VGLL4: variants seen among roughly 807,000 people sequenced by gnomAD.
The protein encoded by VGLL4 is transcription cofactor vestigial-like protein 4.
A neutral mutation model predicts 21.0 loss-of-function variants in VGLL4; 7 were observed. The observed-to-expected ratio is 0.33, with a 90% CI of 0.19 to 0.63. VGLL4 has a LOEUF of 0.63. VGLL4 is among the 20% of genes least tolerant of loss of function. VGLL4 has a pLI of 0.78. For synonymous variants in VGLL4, 222 were observed against 173.2 expected, an observed-to-expected ratio of 1.28 and a Z score of -2.21; for missense variants, 394 against 425.7, an observed-to-expected ratio of 0.93 and a Z score of 0.66.
At chr3:11,646,752 T>C (rs956096199), upstream of VGLL4, among the ~76,000 whole-genome samples, 1 of 152,134 alleles carries the variant, frequency 6.6e-6, no homozygotes, top group African/African-American at 2.4e-5. Context: ...GGCAACCATT[T>C]TCGTGGACAC....
At chr3:11,671,531 A>T in intron 2 of VGLL4, 1 of 594,544 alleles carries the variant, frequency 1.7e-6, no homozygotes. Context: ...TGCAGAGCCC[A>T]CCTGTATGAA....
At chr3:11,701,456 C>A (rs1400546658) in intron 2 of VGLL4, among the ~76,000 whole-genome samples, 2 of 152,134 alleles carry the variant, frequency 1.3e-5, no homozygotes, top group Non-Finnish European at 2.9e-5. Flanking sequence ...TCCTTTACAA[C>A]AATGTAAATG....
intron 1 of VGLL4, chr3:11,703,107 A>G: frequency 6.9e-7 from 1 of 1,456,062 alleles, no homozygotes; most frequent in African/African-American, 1.4e-5. Context: ...AGACTCTTAG[A>G]ATCCTAGTCA....
chr3:11,644,391 CT>C (rs1418241096), upstream of VGLL4, among the ~76,000 whole-genome samples: 8 of 152,224 alleles, frequency 5.3e-5, 1 homozygote, highest in South Asian at 1.7e-3. Flanking sequence ...TTACATATAG[CT>C]TCTTCCATAA....
At chr3:11,644,635 CAAGAG>C (rs1343285147), upstream of VGLL4, among the ~76,000 whole-genome samples, 1 of 151,992 alleles carries the variant, frequency 6.6e-6, no homozygotes, top group African/African-American at 2.4e-5. Flanking sequence ...CACTTGAGGT[CAAGAG>C]TTCAAGACCA....
In VGLL4 at chr3:11,652,083, G is replaced by A. The variant is rs899241688; in HGVS notation, c.65-50061C>T. Among the ~76,000 whole-genome samples, 4 of 152,056 alleles carry A rather than the reference G, an allele frequency of 2.6e-5. No individual in the cohort carries two copies. In the East Asian group the frequency reaches 7.7e-4, roughly 29 times the overall value. On this transcript the variant is annotated intron_variant, in intron 2 of 5. Coordinates refer to the VGLL4 transcript ENST00000273038. ...TGGACTTTTCAAAAACTTTAAATGG[G>A]TCTTCAGATCATATTTAAATTTTCA...
intron 2 of VGLL4, among the ~76,000 whole-genome samples, chr3:11,654,125 G>A (rs539188509): frequency 9.9e-4 from 150 of 152,018 alleles, no homozygotes; most frequent in Non-Finnish European, 1.4e-3. Context: ...TGGCAAAAGT[G>A]ACAATAATGC....
At chr3:11,579,147 C>T (rs557217929) in intron 2 of VGLL4, among the ~76,000 whole-genome samples, 2 of 149,822 alleles carry the variant, frequency 1.3e-5, no homozygotes, top group African/African-American at 2.5e-5. Flanking sequence ...TGCCTCTGAG[C>T]ATCCAGGTAG....
chr3:11,711,901 T>C (rs921653540), intron 1 of VGLL4, among the ~76,000 whole-genome samples: 1 of 152,044 alleles, frequency 6.6e-6, no homozygotes, highest in African/African-American at 2.4e-5. Flanking sequence ...TGAATGAGAA[T>C]CAGACCAAAT....
intron 2 of VGLL4, among the ~76,000 whole-genome samples, chr3:11,599,503 A>C (rs2074730927): frequency 9.0e-6 from 1 of 111,494 alleles, no homozygotes; most frequent in African/African-American, 3.6e-5. Context: ...TTTAGCCACC[A>C]AGAGAGCTAC....
chr3:11,599,453 T>C (rs2074729193), intron 2 of VGLL4, among the ~76,000 whole-genome samples: 1 of 148,400 alleles, frequency 6.7e-6, no homozygotes, highest in South Asian at 2.2e-4. Flanking sequence ...CTTAAAATTA[T>C]TTATAGTGTC....
At chr3:11,715,017 C>T (rs1488416056) in intron 1 of VGLL4, among the ~76,000 whole-genome samples, 1 of 151,950 alleles carries the variant, frequency 6.6e-6, no homozygotes, top group Non-Finnish European at 1.5e-5. Flanking sequence ...CGCCTGTAGT[C>T]CCAGCTACTC....
intron 2 of VGLL4, among the ~76,000 whole-genome samples, chr3:11,655,226 G>A (rs953805404): frequency 6.6e-6 from 1 of 152,204 alleles, no homozygotes; most frequent in African/African-American, 2.4e-5. Context: ...TAGCAGTATC[G>A]TTTGAAAATA....
At chr3:11,678,425 T>C (rs962290670) in intron 2 of VGLL4, among the ~76,000 whole-genome samples, 3 of 152,236 alleles carry the variant, frequency 2.0e-5, no homozygotes, top group African/African-American at 7.2e-5. Context: ...CTTAGTGTCA[T>C]GGTATTTTCC....
intron 2 of VGLL4, among the ~76,000 whole-genome samples, chr3:11,575,425 T>A (rs1182261008): frequency 6.6e-6 from 1 of 152,168 alleles, no homozygotes; most frequent in Admixed American, 6.5e-5. Context: ...CTCCAGCAGC[T>A]CAGCTGGAAT....
intron 2 of VGLL4, among the ~76,000 whole-genome samples, chr3:11,688,034 C>G (rs554569094): frequency 2.0e-5 from 3 of 152,188 alleles, no homozygotes; most frequent in African/African-American, 7.2e-5. Flanking sequence ...TTTTAGACTT[C>G]TGTCATAAAT....
At chr3:11,590,513 G>A (rs2074462792) in intron 2 of VGLL4, among the ~76,000 whole-genome samples, 1 of 152,208 alleles carries the variant, frequency 6.6e-6, no homozygotes, top group South Asian at 2.1e-4. Context: ...AGTATGTGTT[G>A]CCTCTGCTGG....
Position 11,573,300 on chromosome 3 carries a change from AAAGAAAGGAAGGAAGG to A in VGLL4, c.273-8297_273-8282del, listed in dbSNP as rs1559869971. Among the ~76,000 whole-genome samples, 10 of 9,544 alleles carry A rather than the reference AAAGAAAGGAAGGAAGG, an allele frequency of 1.0e-3. 1 individual carries two copies. The highest frequency in any genetic ancestry group is 6.7e-3 in the East Asian group (3 of 446). The allele number at this position is 9,544 out of a possible 152,430, so 6.3% of individuals were successfully genotyped here. On this transcript the variant is annotated intron_variant, in intron 2 of 4. Coordinates refer to ENST00000430365, the MANE Select transcript of VGLL4 (RefSeq NM_001128219.3). ...GAAAGAAAGAAAGAAAGAAAGAAAGAAAGAAAGGAAGGAAGGAAGAAAGAAAGAAAGAAAGAAAGAA... is the reference window on the plus strand; with the variant it reads ...GAAAGAAAGAAAGAAAGAAAGAAAGAAAGAAAGAAAGAAAGAAAGAAAGAA...
intron 2 of VGLL4, among the ~76,000 whole-genome samples, chr3:11,693,913 C>G (rs375184693): frequency 3.3e-5 from 5 of 151,956 alleles, no homozygotes; most frequent in Admixed American, 2.6e-4. Flanking sequence ...TTTTTTTAAT[C>G]AGCAGAAAAG....
Sources: gnomAD v4.1 joint callset for allele counts (sites outside exome capture counted in the v4.1 genomes callset) on GRCh38, gnomAD v4.1.1 for gene constraint, MANE v1.5 for transcripts, NCBI Gene and HGNC (gene_info 2026-07-23, HGNC 2026-07-21) for gene names.